The following BTN1A1 variants were observed in gnomAD, a reference collection of about 807,000 sequenced individuals.
The protein encoded by BTN1A1 is bK14H9.2 (butyrophilin, subfamily 1, member A1).
A neutral mutation model predicts 33.1 loss-of-function variants in BTN1A1; 26 were observed. That is an observed-to-expected ratio of 0.79 (90% CI 0.58 to 1.09). BTN1A1 has a LOEUF of 1.09. BTN1A1 is among the 50% of genes least tolerant of loss of function. The pLI is 0.00. For missense variants in BTN1A1, 558 were observed against 655.7 expected (o/e 0.85, Z 1.63); for synonymous variants, 235 against 256.2 (o/e 0.92, Z 0.79).
chr6:26,507,036 C>T (rs1257315278), intron 5 of BTN1A1, among the ~76,000 whole-genome samples: 1 of 152,122 alleles, frequency 6.6e-6, no homozygotes, highest in Admixed American at 6.5e-5. Context: ...GCCCGGCCAA[C>T]ATGGCAAAAC....
At position 26,509,236 on chromosome 6, in the gene BTN1A1, G is replaced by A; in HGVS notation, c.*62G>A. ...CCCCTCTCCTCCATAGCCTTCTGAG[G>A]CTTCACCTGCTAGCTTTACCCAGTC... On this transcript the variant is annotated 3_prime_UTR_variant, in exon 8 of 8. Coordinates refer to ENST00000684113, the MANE Select transcript of BTN1A1 (RefSeq NM_001732.3). 7.1e-7 allele frequency: 1 copy of A among 1,418,302 alleles called. No individual in the cohort carries two copies. Among genetic ancestry groups the A allele is most frequent in the Admixed American group, 2.1e-5 (1 of 46,888 alleles). 87.9% of individuals were successfully genotyped at this position (1,418,302 alleles called of 1,614,324 possible).
rs1031222862 is a variant in BTN1A1, at chr6:26,501,879, G to T, written c.369G>T (p.Thr123=). The change falls in exon 3 of 8, where the codon ACG becomes ACT. Residue 123 remains threonine, a synonymous_variant. Transcript: ENST00000684113. The surrounding 1 kb of genome is among the most constrained non-coding windows in gnomAD (Gnocchi z 5.2). The part of the protein sequence containing the change: ...GVRVSDDGEY[T]CFFREDGSYE... The stretch of plus-strand genomic sequence containing the variant: ...GAGTCTCTGACGACGGGGAGTACAC[G>T]TGCTTTTTCAGGGAGGATGGAAGCT... The T allele has an allele frequency of 1.2e-6, 2 of 1,604,790 alleles. No individual in the cohort carries two copies. The highest frequency in any genetic ancestry group is 1.7e-6 in the Non-Finnish European group (2 of 1,173,594).
Position 26,509,392 on chromosome 6 carries a change from C to T in BTN1A1, c.*218C>T. 1.8e-6 allele frequency: 1 copy of T among 549,802 alleles called. No individual in the cohort carries two copies. The highest frequency in any genetic ancestry group is 3.2e-6 in the Non-Finnish European group (1 of 311,500). 34.1% of individuals were successfully genotyped at this position (549,802 alleles called of 1,614,324 possible). A position where few individuals can be genotyped will look rare whatever the true frequency, so the allele number is the denominator to read the frequency against. ...TTGGGGGATGGAGGGGTGACTCAAACTGCTTCTAGTGTTCTCCTAATCCCT... is the reference window on the plus strand; with the variant it reads ...TTGGGGGATGGAGGGGTGACTCAAATTGCTTCTAGTGTTCTCCTAATCCCT... On this transcript the variant is annotated 3_prime_UTR_variant, in exon 8 of 8. Coordinates refer to ENST00000684113, the MANE Select transcript of BTN1A1 (RefSeq NM_001732.3).
At position 26,504,980 on chromosome 6, in the gene BTN1A1, T is replaced by C; in HGVS notation, c.483T>C (p.Cys161=). 6 of 1,614,142 alleles carry C rather than the reference T, an allele frequency of 3.7e-6. No individual in the cohort carries two copies. The highest frequency in any genetic ancestry group is 5.1e-6 in the Non-Finnish European group (6 of 1,180,016). ...AAGTTCAAGAGAATGGAGAAATCTG[T>C]CTGGAGTGCACCTCAGTGGGATGGT... is the stretch of plus-strand genomic sequence containing the variant. The part of the protein sequence containing the change: ...SMQVQENGEI[C]LECTSVGWYP... The change falls in exon 4 of 8, where the codon TGT becomes TGC. Residue 161 remains cysteine, a synonymous_variant. Transcript: ENST00000684113.
intron 5 of BTN1A1, 141 bp downstream of exon 5, chr6:26,506,973 C>A (rs140309290): frequency 9.2e-7 from 1 of 1,081,326 alleles, no homozygotes; most frequent in Non-Finnish European, 1.3e-6. Context: ...GTAATCCCAG[C>A]GGTTTGGGAA....
intron 7 of BTN1A1, 46 bp downstream of exon 7, chr6:26,508,133 A>G (rs1294057096): frequency 1.3e-6 from 2 of 1,552,782 alleles, no homozygotes; most frequent in Non-Finnish European, 1.7e-6. Flanking sequence ...TCTATCCCCT[A>G]GGAATTCAAA....
chr6:26,502,031 C>G (rs1763807940), intron 3 of BTN1A1, 94 bp downstream of exon 3: 1 of 1,428,258 alleles, frequency 7.0e-7, no homozygotes, highest in Non-Finnish European at 9.2e-7. Context: ...GATTCATTCT[C>G]AAAATCTCTT....
intron 3 of BTN1A1, among the ~76,000 whole-genome samples, chr6:26,503,449 C>T (rs920605977): frequency 4.6e-5 from 7 of 150,750 alleles, no homozygotes; most frequent in African/African-American, 1.7e-4. Flanking sequence ...GCCTGGGCAA[C>T]AGAGTGAGAC....
At position 26,501,766 on chromosome 6, in the gene BTN1A1, G is replaced by A. The variant is rs1216845152; in HGVS notation, c.256G>A (p.Glu86Lys). Residue 86 changes from glutamate (E) to lysine (K), a missense_variant, in exon 3 of 8, where the codon GAG (glutamate) becomes AAG (lysine). Physicochemically the swap from Glu to Lys is moderately conservative, Grantham distance 56 (BLOSUM62 1). Transcript: ENST00000684113. This position sits in a 1 kb window ranked among gnomAD's most constrained non-coding sequence, Gnocchi z 5.2. ...TAGGGACGGGCGCGAGCAGGAAGCC[G>A]AGCAGATGCCCGAGTACCGCGGGCG... Reference protein sequence around the residue: ...VHRDGREQEAEQMPEYRGRAT... With the variant: ...VHRDGREQEAKQMPEYRGRAT... 12 of 1,613,606 alleles carry A rather than the reference G, an allele frequency of 7.4e-6. No individual in the cohort carries two copies. The highest frequency in any genetic ancestry group is 6.6e-5 in the South Asian group (6 of 91,082).
chr6:26,501,202 A>T lies in BTN1A1; in HGVS notation c.-57-28A>T. ...AAAGCGGAGGGTTGACAGAGCCGGT[A>T]GTTGTCTCCTGTCCATTCATCTCCT... On this transcript the variant is annotated intron_variant, in intron 1 of 7. Coordinates refer to ENST00000684113, the MANE Select transcript of BTN1A1 (RefSeq NM_001732.3). The surrounding 1 kb of genome is among the most constrained non-coding windows in gnomAD (Gnocchi z 5.2). 9.0e-7 allele frequency: 1 copy of T among 1,110,380 alleles called. No individual in the cohort carries two copies. The highest frequency in any genetic ancestry group is 1.4e-6 in the Non-Finnish European group (1 of 723,786). 68.8% of individuals were successfully genotyped at this position (1,110,380 alleles called of 1,614,324 possible).
chr6:26,509,222 C>T lies in BTN1A1; in HGVS notation c.*48C>T. On this transcript the variant is annotated 3_prime_UTR_variant, in exon 8 of 8. Coordinates refer to ENST00000684113, the MANE Select transcript of BTN1A1 (RefSeq NM_001732.3). ...TTCCTTTCCTCTAACCCCTCTCCTC[C>T]ATAGCCTTCTGAGGCTTCACCTGCT... 1 of 1,495,788 alleles carries T rather than the reference C, an allele frequency of 6.7e-7. No homozygotes were observed. Among genetic ancestry groups the T allele is most frequent in the Non-Finnish European group, 9.1e-7 (1 of 1,101,686 alleles). The allele number at this position is 1,495,788 out of a possible 1,614,324, so 92.7% of individuals were successfully genotyped here.
At chr6:26,505,904 G>C (rs1561884532) in intron 4 of BTN1A1, among the ~76,000 whole-genome samples, 1 of 151,790 alleles carries the variant, frequency 6.6e-6, no homozygotes, top group Admixed American at 6.6e-5. Context: ...AGATCACAAG[G>C]TCAGGAGATC....
intron 3 of BTN1A1, 110 bp from the exon 4 acceptor site, chr6:26,504,815 G>A (rs1763847617): frequency 9.0e-7 from 1 of 1,106,128 alleles, no homozygotes; most frequent in East Asian, 2.4e-5. Flanking sequence ...CCCCCTACTA[G>A]TCCACTTGTG....
chr6:26,508,494 T>C lies in BTN1A1; in HGVS notation c.908-7T>C. 6.2e-7 allele frequency: 1 copy of C among 1,605,710 alleles called. No individual in the cohort carries two copies. Among genetic ancestry groups the C allele is most frequent in the Admixed American group, 1.7e-5 (1 of 59,168 alleles). ...TGATGTCAGACCTGCTGTTTCTTTC[T>C]CTCCAGTTGATGTGACTCTGGACCC... On this transcript the variant is annotated splice_polypyrimidine_tract_variant and splice_region_variant and intron_variant, in intron 7 of 7. Coordinates refer to ENST00000684113, the MANE Select transcript of BTN1A1 (RefSeq NM_001732.3).
chr6:26,502,498 G>C (rs866199216), intron 3 of BTN1A1, among the ~76,000 whole-genome samples: 4 of 151,974 alleles, frequency 2.6e-5, no homozygotes, highest in African/African-American at 9.7e-5. Context: ...CAGTGAGAAA[G>C]GGTTTTGAGT....
At position 26,509,140 on chromosome 6, in the gene BTN1A1, T is replaced by C. The variant is rs1763912354; in HGVS notation, c.1547T>C (p.Leu516Pro). The change falls in exon 8 of 8, where the codon CTA becomes CCA. Residue 516 changes from leucine to proline, a missense_variant. By Grantham distance (98) the Leu-to-Pro change is moderately conservative. Coordinates refer to ENST00000684113, the MANE Select transcript of BTN1A1 (RefSeq NM_001732.3). ...PRDADTLHSKLIPTQPSQGAP is the reference protein window; with the variant it reads ...PRDADTLHSKPIPTQPSQGAP ...GATGCAGACACTCTCCATTCTAAGC[T>C]AATCCCTACCCAACCCAGCCAAGGG... The C allele has an allele frequency of 6.2e-7, 1 of 1,613,456 alleles. No individual in the cohort carries two copies. Among genetic ancestry groups the C allele is most frequent in the South Asian group, 1.1e-5 (1 of 91,008 alleles).
In BTN1A1 at chr6:26,501,280, G is replaced by A; in HGVS notation, c.-7G>A. The A allele has an allele frequency of 6.2e-7, 1 of 1,613,404 alleles. No individual in the cohort carries two copies. Among genetic ancestry groups the A allele is most frequent in the Non-Finnish European group, 8.5e-7 (1 of 1,179,366 alleles). On this transcript the variant is annotated 5_prime_UTR_variant, in exon 2 of 8. In the 5' UTR this introduces an upstream ATG that the reference lacks. Coordinates refer to ENST00000684113, the MANE Select transcript of BTN1A1 (RefSeq NM_001732.3). This position sits in a 1 kb window ranked among gnomAD's most constrained non-coding sequence, Gnocchi z 5.2. ...TCAGTTATCTTGCTGCTCCAGAAGG[G>A]TGGGAGATGGCAGTTTTCCCAAGCT...
chr6:26,501,516 G>C lies in BTN1A1; in HGVS notation c.80-74G>C. On this transcript the variant is annotated intron_variant, in intron 2 of 7. Transcript: ENST00000684113. This position sits in a 1 kb window ranked among gnomAD's most constrained non-coding sequence, Gnocchi z 5.2. ...AAGAGAGCGCGGGGCACTGCGCTTTGGCGGGAATCTGGTCGGTGTCTGTCC... is the reference window on the plus strand; with the variant it reads ...AAGAGAGCGCGGGGCACTGCGCTTTCGCGGGAATCTGGTCGGTGTCTGTCC... The C allele has an allele frequency of 1.3e-6, 2 of 1,594,848 alleles. No homozygotes were observed. Among genetic ancestry groups the C allele is most frequent in the Non-Finnish European group, 1.7e-6 (2 of 1,166,684 alleles).
intron 4 of BTN1A1, among the ~76,000 whole-genome samples, chr6:26,505,912 A>C (rs1210236442): frequency 6.6e-6 from 1 of 151,786 alleles, no homozygotes; most frequent in Non-Finnish European, 1.5e-5. Context: ...AGGTCAGGAG[A>C]TCGAGACCAT....
Sources: gnomAD v4.1 joint callset for allele counts (sites outside exome capture counted in the v4.1 genomes callset) on GRCh38, gnomAD v4.1.1 for gene constraint, Gnocchi (gnomAD v3.1) non-coding constraint, MANE v1.5 for transcripts, NCBI Gene and HGNC (gene_info 2026-07-23, HGNC 2026-07-21) for gene names.